The following HMGCLL1 variants were observed in gnomAD, a reference collection of about 807,000 sequenced individuals.
The protein encoded by HMGCLL1 is 3-hydroxymethyl-3-methylglutaryl-CoA lyase, cytoplasmic.
In HMGCLL1, 36 loss-of-function variants were observed where a neutral mutation model predicts 39.1. The observed-to-expected ratio is 0.92, with a 90% CI of 0.71 to 1.22. HMGCLL1 has a LOEUF of 1.22. HMGCLL1 is among the 50% of genes most tolerant of loss of function. HMGCLL1 has a pLI of 0.00. For missense variants in HMGCLL1, 451 were observed against 416.5 expected (o/e 1.08, Z -0.72); for synonymous variants, 149 against 144.0 (o/e 1.03, Z -0.25).
intron 7 of HMGCLL1, among the ~76,000 whole-genome samples, chr6:55,451,582 CA>C (rs60798450): frequency 0.38 from 56,864 of 150,788 alleles, 10,970 homozygotes; most frequent in African/African-American, 0.46. Flanking sequence ...AAAACAAAAA[CA>C]AAAAAAGTCA....
chr6:55,492,974 C>A (rs912097318), intron 7 of HMGCLL1, among the ~76,000 whole-genome samples: 1 of 151,920 alleles, frequency 6.6e-6, no homozygotes, highest in African/African-American at 2.4e-5. Flanking sequence ...CACACACACA[C>A]GTGCACAGAA....
chr6:55,563,800 A>G (rs1302261897), intron 1 of HMGCLL1: 2 of 1,019,150 alleles, frequency 2.0e-6, no homozygotes, highest in Non-Finnish European at 2.7e-6. Context: ...AGAAGTTGTT[A>G]GGCTTCTCCT....
chr6:55,445,872 C>T (rs1048280441), intron 7 of HMGCLL1, among the ~76,000 whole-genome samples: 1 of 152,048 alleles, frequency 6.6e-6, no homozygotes, highest in African/African-American at 2.4e-5. Flanking sequence ...TTTACAACCC[C>T]ACTCACTGTG....
At chr6:55,636,105 C>T in the HMGCLL1 span, among the ~76,000 whole-genome samples, 1 of 152,012 alleles carries the variant, frequency 6.6e-6, no homozygotes, top group Non-Finnish European at 1.5e-5. Context: ...TTCATTTTCA[C>T]AAGTGATTAA....
chr6:55,652,167 C>A, the HMGCLL1 span, among the ~76,000 whole-genome samples: 10 of 152,024 alleles, frequency 6.6e-5, no homozygotes, highest in African/African-American at 2.4e-4. Flanking sequence ...TGCTTTTATT[C>A]TGCCATTTTA....
the HMGCLL1 span, among the ~76,000 whole-genome samples, chr6:55,643,271 G>C: frequency 6.6e-6 from 1 of 151,998 alleles, no homozygotes; most frequent in East Asian, 1.9e-4. Context: ...GTGTGTAAGT[G>C]TCCCCTTTTC....
chr6:55,558,400 A>G (rs1011861083), intron 1 of HMGCLL1, among the ~76,000 whole-genome samples: 25 of 152,304 alleles, frequency 1.6e-4, no homozygotes, highest in African/African-American at 5.8e-4. Flanking sequence ...TTCAGAGGGT[A>G]ATTAATCCTA....
chr6:55,547,283 G>A (rs1040642775), intron 1 of HMGCLL1, among the ~76,000 whole-genome samples: 2 of 151,938 alleles, frequency 1.3e-5, no homozygotes, highest in African/African-American at 4.8e-5. Context: ...TTTTGATGGG[G>A]ATTTCTCTGA....
intron 7 of HMGCLL1, among the ~76,000 whole-genome samples, chr6:55,485,192 C>T (rs1765959111): frequency 6.6e-6 from 1 of 152,106 alleles, no homozygotes; most frequent in South Asian, 2.1e-4. Flanking sequence ...AACCTGCCCC[C>T]TTTCACCACC....
intron 3 of HMGCLL1, among the ~76,000 whole-genome samples, chr6:55,520,266 A>C (rs944596991): frequency 2.0e-5 from 3 of 150,360 alleles, no homozygotes; most frequent in African/African-American, 4.9e-5. Flanking sequence ...ATAAATAAAT[A>C]AATAAATAAA....
intron 3 of HMGCLL1, among the ~76,000 whole-genome samples, chr6:55,525,530 A>G (rs1057427728): frequency 3.3e-5 from 5 of 151,964 alleles, no homozygotes; most frequent in African/African-American, 9.7e-5. Context: ...AGCCAGAGTT[A>G]CTGAGACTCA....
the HMGCLL1 span, among the ~76,000 whole-genome samples, chr6:55,650,486 G>A: frequency 2.6e-5 from 4 of 151,604 alleles, no homozygotes; most frequent in Admixed American, 2.0e-4. Flanking sequence ...CTCTCTCTCT[G>A]TTTGTGCTGA....
chr6:55,543,386 T>C (rs1361193765), intron 1 of HMGCLL1, among the ~76,000 whole-genome samples: 1 of 95,780 alleles, frequency 1.0e-5, no homozygotes, highest in Non-Finnish European at 1.9e-5. Context: ...TTATATGATA[T>C]ATAATATCTC....
At chr6:55,451,584 A>G (rs959985103) in intron 7 of HMGCLL1, among the ~76,000 whole-genome samples, 3 of 46,850 alleles carry the variant, frequency 6.4e-5, no homozygotes, top group African/African-American at 2.8e-4. Flanking sequence ...AACAAAAACA[A>G]AAAAAGTCAC....
chr6:55,461,816 G>A (rs1764578740), intron 7 of HMGCLL1, among the ~76,000 whole-genome samples: 1 of 152,046 alleles, frequency 6.6e-6, no homozygotes, highest in South Asian at 2.1e-4. Flanking sequence ...TGATTACTCT[G>A]GATGTTCCAA....
chr6:55,646,918 G>A, the HMGCLL1 span, among the ~76,000 whole-genome samples: 2 of 151,952 alleles, frequency 1.3e-5, no homozygotes, highest in Admixed American at 1.3e-4. Flanking sequence ...CTGTAGTGTA[G>A]ATTAAGTATG....
chr6:55,566,512 G>GA, intron 1 of HMGCLL1: 1 of 419,068 alleles, frequency 2.4e-6, no homozygotes, highest in Non-Finnish European at 4.8e-6. Context: ...ACTATTGGTG[G>GA]AAAAAAGAGC....
chr6:55,662,668 T>G, the HMGCLL1 span, among the ~76,000 whole-genome samples: 1 of 151,834 alleles, frequency 6.6e-6, no homozygotes, highest in Non-Finnish European at 1.5e-5. Flanking sequence ...CTGCCAGGTT[T>G]TGGTATCAGG....
chr6:55,667,410 A>G, the HMGCLL1 span, among the ~76,000 whole-genome samples: 39 of 151,888 alleles, frequency 2.6e-4, no homozygotes, highest in East Asian at 7.4e-3. Flanking sequence ...CAGTAATTCT[A>G]TAGGATTGGA....
Sources: allele counts gnomAD v4.1 joint callset (sites outside exome capture counted in the v4.1 genomes callset), GRCh38; gene constraint gnomAD v4.1.1; transcripts MANE v1.5; gene names NCBI Gene and HGNC (gene_info 2026-07-23, HGNC 2026-07-21).